The following CDC42BPA variants were observed in gnomAD, a reference collection of about 807,000 sequenced individuals.
The protein encoded by CDC42BPA is serine/threonine-protein kinase MRCK alpha.
In CDC42BPA, 80 loss-of-function variants were observed where a neutral mutation model predicts 223.5. That is an observed-to-expected ratio of 0.36 (90% CI 0.30 to 0.43). CDC42BPA has a LOEUF of 0.43. Ranked by LOEUF, CDC42BPA falls within the 20% of genes least tolerant of loss-of-function variation. The probability of loss-of-function intolerance (pLI) is 1.00; values close to 1 mark genes in which losing one functional copy is unlikely to be tolerated. For synonymous variants in CDC42BPA, 694 were observed against 718.6 expected, an observed-to-expected ratio of 0.97 and a Z score of 0.55; for missense variants, 1,743 against 2,099.9, an observed-to-expected ratio of 0.83 and a Z score of 3.32.
At chr1:227,064,326 A>G (rs912981376) in intron 21 of CDC42BPA, among the ~76,000 whole-genome samples, 2 of 152,216 alleles carry the variant, frequency 1.3e-5, no homozygotes, top group African/African-American at 4.8e-5. Flanking sequence ...TACTTAGCAC[A>G]TATTTAATAT....
intron 1 of CDC42BPA, among the ~76,000 whole-genome samples, chr1:227,293,521 A>C (rs1042936165): frequency 2.9e-5 from 1 of 34,030 alleles, no homozygotes. Flanking sequence ...TAAAGTCATT[A>C]AAAAAAAAAA....
chr1:227,264,776 G>C, intron 1 of CDC42BPA: 1 of 1,001,114 alleles, frequency 1.0e-6, no homozygotes, highest in South Asian at 1.3e-5. Context: ...AAGCTTTAAA[G>C]AATCTTCCAC....
chr1:226,995,744 G>A (rs551237723), intron 35 of CDC42BPA, among the ~76,000 whole-genome samples: 12 of 152,218 alleles, frequency 7.9e-5, no homozygotes, highest in Non-Finnish European at 1.6e-4. Context: ...GGGGAATCTC[G>A]GGGCTATTGT....
intron 2 of CDC42BPA, among the ~76,000 whole-genome samples, chr1:227,223,400 T>C (rs1676282410): frequency 6.6e-6 from 1 of 152,156 alleles, no homozygotes; most frequent in Non-Finnish European, 1.5e-5. Flanking sequence ...GTTAATAAAC[T>C]AGAACCTTAA....
At chr1:227,016,716 A>T (rs1466416791) in intron 33 of CDC42BPA, among the ~76,000 whole-genome samples, 1 of 152,218 alleles carries the variant, frequency 6.6e-6, no homozygotes, top group Non-Finnish European at 1.5e-5. Context: ...GAATAAAAAT[A>T]TGGTACTTTA....
chr1:227,274,527 C>T lies in CDC42BPA; in HGVS notation c.179-20372G>A, dbSNP rs150695252. ...TAATCTAAAAGACAGTGAGAACATA[C>T]GGAAAAATAAATATAGAAAAAGCTT... is the stretch of plus-strand genomic sequence containing the variant. On this transcript the variant is annotated intron_variant, in intron 1 of 36. Transcript: ENST00000366766. Among the ~76,000 whole-genome samples the T allele has an allele frequency of 3.7e-4, 57 of 152,024 alleles. 1 individual carries two copies. The highest frequency in any genetic ancestry group is 1.2e-3 in the African/African-American group (48 of 41,486).
chr1:227,018,595 T>C (rs747054241), intron 32 of CDC42BPA, among the ~76,000 whole-genome samples: 38 of 152,160 alleles, frequency 2.5e-4, no homozygotes, highest in Non-Finnish European at 2.9e-5. Flanking sequence ...ATGACCAGCA[T>C]AGTCACACAC....
intron 6 of CDC42BPA, among the ~76,000 whole-genome samples, chr1:227,151,973 G>A (rs1442027286): frequency 3.3e-5 from 5 of 151,208 alleles, no homozygotes; most frequent in African/African-American, 7.3e-5. Context: ...TAAGTGAGCC[G>A]AGATCACGCC....
At chr1:227,172,776 T>A (rs1666319796) in intron 5 of CDC42BPA, among the ~76,000 whole-genome samples, 1 of 152,118 alleles carries the variant, frequency 6.6e-6, no homozygotes, top group Admixed American at 6.6e-5. Flanking sequence ...TAAAAAAAAA[T>A]CATCTTGAGC....
intron 5 of CDC42BPA, among the ~76,000 whole-genome samples, chr1:227,163,560 T>A (rs2149836569): frequency 6.6e-6 from 1 of 152,136 alleles, no homozygotes; most frequent in Non-Finnish European, 1.5e-5. Flanking sequence ...TCCTCTTCTA[T>A]AAAATGCCTG....
At chr1:227,094,195 T>G (rs1683572851) in intron 15 of CDC42BPA, among the ~76,000 whole-genome samples, 1 of 152,120 alleles carries the variant, frequency 6.6e-6, no homozygotes, top group South Asian at 2.1e-4. Flanking sequence ...AAAATAAACT[T>G]TTTTTATCTG....
chr1:227,268,546 T>C (rs964668769), intron 1 of CDC42BPA, among the ~76,000 whole-genome samples: 1 of 150,636 alleles, frequency 6.6e-6, no homozygotes, highest in Non-Finnish European at 1.5e-5. Flanking sequence ...TGTATGTATA[T>C]ATGTATACTT....
chr1:227,028,846 T>C lies in CDC42BPA; in HGVS notation c.4243A>G (p.Ser1415Gly), dbSNP rs200486377. 12 of 1,613,930 alleles carry C rather than the reference T, an allele frequency of 7.4e-6. No homozygotes were observed. Among genetic ancestry groups the C allele is most frequent in the Non-Finnish European group, 8.5e-6 (10 of 1,179,826 alleles). Residue 1415 changes from serine to glycine, a missense_variant, in exon 30 of 37, where the codon AGT becomes GGT. By Grantham distance (56) the Ser-to-Gly change is moderately conservative. Around this residue, in one of 6 missense-constraint regions of CDC42BPA, gnomAD observed 678 missense variants for 777.5 expected, o/e 0.87. Coordinates refer to ENST00000366766, the MANE Select transcript of CDC42BPA (RefSeq NM_001394014.1). Reference protein sequence around the residue: ...YPLNGEGNPYSMLHSNDHTLS... With the variant: ...YPLNGEGNPYGMLHSNDHTLS... Reference sequence around the variant, plus strand: ...GTATGGTCATTTGAATGGAGCATACTGTATGGATTTCCTTCTCCATTCAAG... The same window carrying C: ...GTATGGTCATTTGAATGGAGCATACCGTATGGATTTCCTTCTCCATTCAAG...
intron 1 of CDC42BPA, among the ~76,000 whole-genome samples, chr1:227,272,103 T>C (rs563093927): frequency 3.3e-5 from 5 of 152,332 alleles, no homozygotes; most frequent in Admixed American, 3.3e-4. Context: ...TTAAAAGTTC[T>C]TCCAAATTAG....
At chr1:227,139,479 T>A in intron 10 of CDC42BPA, 97 bp downstream of exon 10, 1 of 764,630 alleles carries the variant, frequency 1.3e-6, no homozygotes, top group Non-Finnish European at 2.0e-6. Flanking sequence ...CCACTTAAAA[T>A]AATTTTTTTC....
At chr1:227,298,084 A>G (rs1691017103) in intron 1 of CDC42BPA, among the ~76,000 whole-genome samples, 1 of 131,122 alleles carries the variant, frequency 7.6e-6, no homozygotes, top group South Asian at 2.4e-4. Flanking sequence ...GACTATATAC[A>G]ATGTTTTTTT....
chr1:227,132,027 T>A (rs1031357616), intron 10 of CDC42BPA, among the ~76,000 whole-genome samples: 4 of 149,292 alleles, frequency 2.7e-5, no homozygotes, highest in East Asian at 2.0e-4. Flanking sequence ...AAACTCAGAA[T>A]GTTCAATATC....
chr1:227,063,050 T>C (rs1676255292), intron 21 of CDC42BPA, among the ~76,000 whole-genome samples: 1 of 152,154 alleles, frequency 6.6e-6, no homozygotes. Context: ...ACCACAGCAA[T>C]GATTTCTTAC....
At chr1:227,014,444 T>C (rs1665824916) in intron 34 of CDC42BPA, among the ~76,000 whole-genome samples, 1 of 152,136 alleles carries the variant, frequency 6.6e-6, no homozygotes, top group South Asian at 2.1e-4. Context: ...GTAATAAGAA[T>C]GTCACATTCA....
Sources: allele counts gnomAD v4.1 joint callset (sites outside exome capture counted in the v4.1 genomes callset), GRCh38; gene constraint gnomAD v4.1.1; regional missense constraint gnomAD v4.1.1; transcripts MANE v1.5; gene names NCBI Gene and HGNC (gene_info 2026-07-23, HGNC 2026-07-21).